Variants in DNAH17 observed in about 807,000 individuals in gnomAD.
DNAH17 encodes the protein dynein axonemal heavy chain 17, also known as axonemal beta dynein heavy chain 17.
A neutral mutation model predicts 485.6 loss-of-function variants in DNAH17; 376 were observed. The ratio of observed to expected loss-of-function variants is 0.77; its 90% CI spans 0.71 to 0.84. The LOEUF is 0.84. Among genes scored for constraint, DNAH17 ranks in the 40% least tolerant of loss-of-function variants. The pLI, the probability that DNAH17 is intolerant of heterozygous loss-of-function variation, is 0.00. For synonymous variants in DNAH17, 3,031 were observed against 2,405.9 expected, an observed-to-expected ratio of 1.26 and a Z score of -7.60; for missense variants, 6,370 against 5,839.3, an observed-to-expected ratio of 1.09 and a Z score of -2.96.
chr17:78,531,208 A>G (rs568441601), intron 20 of DNAH17, among the ~76,000 whole-genome samples: 10 of 151,996 alleles, frequency 6.6e-5, no homozygotes, highest in African/African-American at 9.7e-5. Flanking sequence ...TTTGCTTTAT[A>G]TATCTGGGTG....
intron 58 of DNAH17, among the ~76,000 whole-genome samples, 176 bp from the exon 59 acceptor site, chr17:78,460,433 C>CATGTGCAT (rs1330699600): frequency 6.6e-6 from 1 of 151,904 alleles, no homozygotes; most frequent in Non-Finnish European, 1.5e-5. Flanking sequence ...TATGTGCATC[C>CATGTGCAT]ATGTGCATAT....
chr17:78,424,275 T>G, intron 80 of DNAH17, 122 bp from the exon 81 acceptor site: 3 of 1,297,746 alleles, frequency 2.3e-6, no homozygotes. Context: ...CCCAAAAGGC[T>G]TCAGGCCAGC....
chr17:78,485,892 G>A, intron 46 of DNAH17, 68 bp downstream of exon 46: 1 of 1,581,418 alleles, frequency 6.3e-7, no homozygotes, highest in Non-Finnish European at 8.6e-7. Flanking sequence ...GTGCAGGCGT[G>A]TGGAGGGTAC....
intron 16 of DNAH17, among the ~76,000 whole-genome samples, chr17:78,544,219 G>C (rs1032030453): frequency 6.6e-6 from 1 of 152,174 alleles, no homozygotes; most frequent in Non-Finnish European, 1.5e-5. Flanking sequence ...ACCAAAACCA[G>C]GGCCTAGGGG....
chr17:78,492,766 C>A lies in DNAH17; in HGVS notation c.6409-1G>T. On this transcript the variant is annotated splice_acceptor_variant, in intron 41 of 80. Coordinates refer to ENST00000389840, the MANE Select transcript of DNAH17 (RefSeq NM_173628.4). LOFTEE classifies it high-confidence loss of function. ...AGGTCTTGTTGAGGGATTTGAGGAC[C>A]TGGCGAAGGTGGGGGTCACTCACGT... The A allele has an allele frequency of 1.2e-6, 2 of 1,609,612 alleles. No individual in the cohort carries two copies. The highest frequency in any genetic ancestry group is 1.7e-6 in the Non-Finnish European group (2 of 1,177,940).
chr17:78,427,608 A>C (rs2146412240), intron 77 of DNAH17, among the ~76,000 whole-genome samples: 1 of 152,356 alleles, frequency 6.6e-6, no homozygotes, highest in South Asian at 2.1e-4. Flanking sequence ...AGGGTCTCAC[A>C]TCAAGAATTC....
chr17:78,568,771 TA>T (rs1291742083), intron 9 of DNAH17, among the ~76,000 whole-genome samples: 1 of 152,188 alleles, frequency 6.6e-6, no homozygotes, highest in East Asian at 1.9e-4. Flanking sequence ...TTTAAGTTTT[TA>T]TCTGCTGTGC....
intron 43 of DNAH17, 50 bp downstream of exon 43, chr17:78,491,393 T>C (rs540504642): frequency 1.9e-6 from 3 of 1,596,674 alleles, no homozygotes; most frequent in East Asian, 4.5e-5. Flanking sequence ...TGAGCCCCCG[T>C]TGTCCCTGCC....
chr17:78,561,573 G>A (rs2092155161), intron 12 of DNAH17, 142 bp downstream of exon 12: 1 of 1,015,970 alleles, frequency 9.8e-7, no homozygotes, highest in African/African-American at 1.6e-5. Context: ...AGGACCAGAA[G>A]GGGTCTCTTC....
chr17:78,514,057 A>C (rs537661332), intron 26 of DNAH17, among the ~76,000 whole-genome samples: 7 of 152,250 alleles, frequency 4.6e-5, no homozygotes, highest in Admixed American at 1.3e-4. Flanking sequence ...TTCAGGTGCT[A>C]AGACTCTGAG....
chr17:78,479,466 A>T lies in DNAH17; in HGVS notation c.7900+19T>A. On this transcript the variant is annotated intron_variant, in intron 50 of 80. Transcript: ENST00000389840. ...ATAGGTTTTACCGATGGGAGAGGGG[A>T]TGAGGCCAGCCAGCTTACCCAGGGC... The T allele has an allele frequency of 3.1e-6, 5 of 1,597,204 alleles. No individual in the cohort carries two copies. Among genetic ancestry groups the T allele is most frequent in the Non-Finnish European group, 4.3e-6 (5 of 1,173,206 alleles).
chr17:78,499,043 T>C lies in DNAH17; in HGVS notation c.5710A>G (p.Ile1904Val). The change falls in exon 37 of 81, where the codon ATC becomes GTC. Residue 1904 changes from isoleucine (I) to valine (V), a missense_variant. Coordinates refer to ENST00000389840, the MANE Select transcript of DNAH17 (RefSeq NM_173628.4). ...AWGCFDEFNR[I>V]SVEVLSVIAV... ...ATCACAGACAAGACTTCCACTGAGA[T>C]GCGATTAAACTCGTCAAAGCAGCCC... 1.2e-6 allele frequency: 2 copies of C among 1,610,576 alleles called. No homozygotes were observed. The highest frequency in any genetic ancestry group is 1.7e-6 in the Non-Finnish European group (2 of 1,178,394).
intron 68 of DNAH17, chr17:78,450,053 C>T (rs2087479127): frequency 3.3e-6 from 2 of 612,702 alleles, no homozygotes; most frequent in Non-Finnish European, 5.7e-6. Flanking sequence ...AGCTCATACC[C>T]TCTCCTGGGG....
intron 76 of DNAH17, among the ~76,000 whole-genome samples, 197 bp downstream of exon 76, chr17:78,428,924 T>TTAAA (rs765650279): frequency 1.9e-5 from 2 of 103,316 alleles, no homozygotes; most frequent in Non-Finnish European, 3.7e-5. Context: ...TTTCTTTCTT[T>TTAAA]AAAAAAAAAA....
At chr17:78,490,235 A>G (rs2089789240) in intron 44 of DNAH17, 5 of 156,580 alleles carry the variant, frequency 3.2e-5, no homozygotes, top group Admixed American at 3.1e-4. Flanking sequence ...CGTCAGGAGC[A>G]GCCTCCGCCT....
chr17:78,491,598 G>A, intron 42 of DNAH17, 28 bp from the exon 43 acceptor site: 3 of 1,610,000 alleles, frequency 1.9e-6, no homozygotes, highest in Non-Finnish European at 1.7e-6. Context: ...TATGACCCCG[G>A]GCCCTTCACT....
rs2090507655 is a variant in DNAH17, at chr17:78,507,156, C to G, written c.4676+122G>C. Reference sequence around the variant, plus strand: ...CCCAGGGAAAGGCAATTGATTAACCCAGGACCCATGGTTTTGCCCTGTCCT... The same window carrying G: ...CCCAGGGAAAGGCAATTGATTAACCGAGGACCCATGGTTTTGCCCTGTCCT... On this transcript the variant is annotated intron_variant, in intron 29 of 80. Coordinates refer to ENST00000389840, the MANE Select transcript of DNAH17 (RefSeq NM_173628.4). 10 of 1,146,440 alleles carry G rather than the reference C, an allele frequency of 8.7e-6. No homozygotes were observed. The South Asian group carries it at 1.5e-4, about 17-fold the overall frequency. The allele number at this position is 1,146,440 out of a possible 1,614,324, so 71.0% of individuals were successfully genotyped here. A position where few individuals can be genotyped will look rare whatever the true frequency, so the allele number is the denominator to read the frequency against.
intron 17 of DNAH17, among the ~76,000 whole-genome samples, chr17:78,540,158 G>A (rs567083071): frequency 1.3e-5 from 2 of 151,928 alleles, no homozygotes; most frequent in Admixed American, 1.3e-4. Context: ...GTTTCCTCTA[G>A]CAAACTGTTA....
intron 31 of DNAH17, among the ~76,000 whole-genome samples, chr17:78,503,590 G>A (rs572717553): frequency 6.6e-6 from 1 of 151,950 alleles, no homozygotes; most frequent in Non-Finnish European, 1.5e-5. Context: ...GGGCTCAAGC[G>A]ATGCTTCCAC....
Sources: gnomAD v4.1 joint callset for allele counts (sites outside exome capture counted in the v4.1 genomes callset) on GRCh38, gnomAD v4.1.1 for gene constraint, MANE v1.5 for transcripts, NCBI Gene and HGNC (gene_info 2026-07-23, HGNC 2026-07-21) for gene names.